The following SLC9A1 variants were observed in gnomAD, a reference collection of about 807,000 sequenced individuals.
SLC9A1 encodes the protein solute carrier family 9 member A1.
SLC9A1 carries 22 observed loss-of-function variants against 67.9 expected under a neutral mutation model. The observed-to-expected ratio is 0.32, with a 90% CI of 0.23 to 0.46. The LOEUF (loss-of-function observed/expected upper bound fraction) is 0.46, where lower values mean the gene tolerates loss of function less well. Among genes scored for constraint, SLC9A1 ranks in the 20% least tolerant of loss-of-function variants. The pLI is 1.00. For missense variants in SLC9A1, 686 were observed against 1,094.8 expected (o/e 0.63, Z 5.27); for synonymous variants, 421 against 471.8 (o/e 0.89, Z 1.40).
At chr1:27,139,791 CTCAT>C (rs2124200150) in intron 1 of SLC9A1, among the ~76,000 whole-genome samples, 1 of 151,688 alleles carries the variant, frequency 6.6e-6, no homozygotes, top group South Asian at 2.1e-4. Flanking sequence ...GCTAAGCACA[CTCAT>C]TGTTTTTTTT....
intron 1 of SLC9A1, among the ~76,000 whole-genome samples, chr1:27,150,371 G>A (rs772015901): frequency 2.6e-5 from 4 of 152,152 alleles, no homozygotes; most frequent in South Asian, 2.1e-4. Flanking sequence ...ATGGGCTCCC[G>A]GGCCTCTGCC....
Position 27,113,933 on chromosome 1 carries a change from C to T in SLC9A1, c.706G>A (p.Ala236Thr), listed in dbSNP as rs766672057. The change falls in exon 2 of 12, where the codon GCC (alanine) becomes ACC (threonine). Residue 236 changes from alanine to threonine, a missense_variant. By Grantham distance (58) the Ala-to-Thr change is moderately conservative. This residue lies in a region of SLC9A1 where 49 missense variants were observed against 73.1 expected (regional missense o/e 0.67). Transcript: ENST00000263980. ...GCCAGAACCGCCACGGGGTCCACGG[C>T]CGAGATGATGCTGCCGAAGAGCAGG... is the stretch of plus-strand genomic sequence containing the variant. The part of the protein sequence containing the change: ...DNLLFGSIIS[A>T]VDPVAVLAVF... 9 of 1,614,216 alleles carry T rather than the reference C, an allele frequency of 5.6e-6. No homozygotes were observed. Among genetic ancestry groups the T allele is most frequent in the Non-Finnish European group, 7.6e-6 (9 of 1,180,042 alleles).
chr1:27,144,348 A>G (rs2083468847), intron 1 of SLC9A1, among the ~76,000 whole-genome samples: 1 of 152,164 alleles, frequency 6.6e-6, no homozygotes, highest in Admixed American at 6.5e-5. Context: ...GGGCAGACCA[A>G]ACAGATCCAG....
At position 27,101,579 on chromosome 1, in the gene SLC9A1, A is replaced by T; in HGVS notation, c.2037+146T>A. The T allele has an allele frequency of 1.5e-6, 1 of 669,070 alleles. No homozygotes were observed. The allele number at this position is 669,070 out of a possible 1,614,324, so 41.4% of individuals were successfully genotyped here. ...ACCCCACGCCAATCCCTTGCTTAGA[A>T]CTCATGGCTCTCCATGCCCTTACAC... On this transcript the variant is annotated intron_variant, in intron 10 of 11. Coordinates refer to ENST00000263980, the MANE Select transcript of SLC9A1 (RefSeq NM_003047.5). The surrounding 1 kb of genome is among the most constrained non-coding windows in gnomAD (Gnocchi z 4.9).
At chr1:27,121,452 G>C (rs1369697236) in intron 1 of SLC9A1, among the ~76,000 whole-genome samples, 2 of 152,186 alleles carry the variant, frequency 1.3e-5, no homozygotes, top group Non-Finnish European at 2.9e-5. Flanking sequence ...GTAAACAAGT[G>C]AGAACAGGGA....
chr1:27,131,951 T>TAAAAAAAAAAAAAAAA lies in SLC9A1; in HGVS notation c.353-17666_353-17665insTTTTTTTTTTTTTTTT, dbSNP rs1557428227. ...GAAGAAGAAGAAGAAAAAAAAAATA[T>TAAAAAAAAAAAAAAAA]ATATATATATATATATATATATATA... On this transcript the variant is annotated intron_variant, in intron 1 of 11. Transcript: ENST00000263980. Among the ~76,000 whole-genome samples the TAAAAAAAAAAAAAAAA allele has an allele frequency of 4.0e-4, 14 of 35,092 alleles. 1 individual carries two copies. The highest frequency in any genetic ancestry group is 1.1e-3 in the African/African-American group (13 of 12,274). 23.0% of individuals were successfully genotyped at this position (35,092 alleles called of 152,430 possible).
chr1:27,132,709 G>T (rs139611768), intron 1 of SLC9A1, among the ~76,000 whole-genome samples: 1 of 152,312 alleles, frequency 6.6e-6, no homozygotes, highest in Non-Finnish European at 1.5e-5. Context: ...CCACTGGAAT[G>T]AGTGTCACTC....
At chr1:27,107,114 C>A (rs1232871416) in intron 4 of SLC9A1, among the ~76,000 whole-genome samples, 21 of 147,778 alleles carry the variant, frequency 1.4e-4, no homozygotes, top group Non-Finnish European at 1.5e-5. Context: ...CACACACACA[C>A]ACACCCAGGC....
intron 1 of SLC9A1, among the ~76,000 whole-genome samples, chr1:27,138,063 C>T (rs2083430702): frequency 1.3e-5 from 2 of 152,194 alleles, no homozygotes; most frequent in African/African-American, 4.8e-5. Flanking sequence ...TATCGCACTC[C>T]CAGGCTGTCC....
intron 8 of SLC9A1, 42 bp downstream of exon 8, chr1:27,102,343 G>A (rs374843409): frequency 8.5e-5 from 132 of 1,554,984 alleles, no homozygotes; most frequent in African/African-American, 3.8e-4. Context: ...TTGAGGGGCC[G>A]GTGTGTGGGA....
In SLC9A1 at chr1:27,118,394, G is replaced by A. The variant is rs994234435; in HGVS notation, c.353-4108C>T. Among the ~76,000 whole-genome samples the A allele has an allele frequency of 6.6e-6, 1 of 152,204 alleles. No individual in the cohort carries two copies. The highest frequency in any genetic ancestry group is 1.5e-5 in the Non-Finnish European group (1 of 68,038). On this transcript the variant is annotated intron_variant, in intron 1 of 11. Coordinates refer to ENST00000263980, the MANE Select transcript of SLC9A1 (RefSeq NM_003047.5). The surrounding 1 kb of genome is among the most constrained non-coding windows in gnomAD (Gnocchi z 4.3). Reference sequence around the variant, plus strand: ...AAGAGGAGGCTCCTTCAGGAGCAACGGCTCAGGGAAGTGGGAAGCAGCCCC... The same window carrying A: ...AAGAGGAGGCTCCTTCAGGAGCAACAGCTCAGGGAAGTGGGAAGCAGCCCC...
At chr1:27,138,561 T>C (rs1014241283) in intron 1 of SLC9A1, among the ~76,000 whole-genome samples, 2 of 152,082 alleles carry the variant, frequency 1.3e-5, no homozygotes, top group Admixed American at 6.5e-5. Flanking sequence ...CCCGTTAGAC[T>C]GGACAGTCAG....
In SLC9A1 at chr1:27,107,797, G is replaced by T. The variant is rs772610024; in HGVS notation, c.1133C>A (p.Thr378Asn). The change falls in exon 4 of 12, where the codon ACC becomes AAC. Residue 378 changes from threonine to asparagine, a missense_variant. Physicochemically the swap from Thr to Asn is moderately conservative, Grantham distance 65 (BLOSUM62 0). This residue lies in a region of SLC9A1 where 168 missense variants were observed against 375.4 expected (regional missense o/e 0.45). Transcript: ENST00000263980. ...EANISHKSHT[T>N]IKYFLKMWSS... ...CCACATCTTCAGGAAGTATTTGATGGTGGTGTGGGACTTGTGGGAGATGTT... is the reference window on the plus strand; with the variant it reads ...CCACATCTTCAGGAAGTATTTGATGTTGGTGTGGGACTTGTGGGAGATGTT... 6.2e-7 allele frequency: 1 copy of T among 1,610,032 alleles called. No homozygotes were observed. The highest frequency in any genetic ancestry group is 8.5e-7 in the Non-Finnish European group (1 of 1,178,788).
intron 2 of SLC9A1, among the ~76,000 whole-genome samples, chr1:27,112,065 T>C (rs916064210): frequency 6.6e-6 from 1 of 152,218 alleles, no homozygotes; most frequent in Non-Finnish European, 1.5e-5. Context: ...TTAGTGAGTA[T>C]GACTCACTAA....
chr1:27,119,856 C>T (rs963877636), intron 1 of SLC9A1, among the ~76,000 whole-genome samples: 2 of 152,158 alleles, frequency 1.3e-5, no homozygotes, highest in South Asian at 2.1e-4. Flanking sequence ...AAAGGGCCAG[C>T]GGTAGGTTTT....
chr1:27,117,937 G>A (rs1201735622), intron 1 of SLC9A1, among the ~76,000 whole-genome samples: 1 of 152,226 alleles, frequency 6.6e-6, no homozygotes, highest in Non-Finnish European at 1.5e-5. Context: ...GCAGCTGATG[G>A]GGAGGGCCAT....
At chr1:27,125,237 CTTT>C (rs71010327) in intron 1 of SLC9A1, among the ~76,000 whole-genome samples, 110 of 86,876 alleles carry the variant, frequency 1.3e-3, no homozygotes, top group African/African-American at 4.4e-3. Flanking sequence ...CCTTTTCTTT[CTTT>C]TTTTTTTTTT....
rs1371117073 is a variant in SLC9A1, at chr1:27,099,106, T to G, written c.*1201A>C. 2 of 152,612 alleles carry G rather than the reference T, an allele frequency of 1.3e-5. No individual in the cohort carries two copies. Among genetic ancestry groups the G allele is most frequent in the Non-Finnish European group, 2.9e-5 (2 of 68,184 alleles). 9.5% of individuals were successfully genotyped at this position (152,612 alleles called of 1,614,324 possible). On this transcript the variant is annotated 3_prime_UTR_variant, in exon 12 of 12. Transcript: ENST00000263980. The stretch of plus-strand genomic sequence containing the variant: ...GCAAAGGTCTCTGGGGGCCCAGGAT[T>G]CTGCCCAATCCACCAGCCCCAGGGG...
intron 1 of SLC9A1, among the ~76,000 whole-genome samples, chr1:27,148,939 A>T (rs1308046863): frequency 2.0e-5 from 3 of 152,200 alleles, no homozygotes; most frequent in African/African-American, 7.2e-5. Context: ...CAAGCAGGGA[A>T]GAAGCAAGCT....
Sources: gnomAD v4.1 joint callset for allele counts (sites outside exome capture counted in the v4.1 genomes callset) on GRCh38, gnomAD v4.1.1 for gene constraint, gnomAD v4.1.1 regional missense constraint, Gnocchi (gnomAD v3.1) non-coding constraint, MANE v1.5 for transcripts, NCBI Gene and HGNC (gene_info 2026-07-23, HGNC 2026-07-21) for gene names.